The following MCPH1 variants were observed in gnomAD, a reference collection of about 807,000 sequenced individuals.
The protein encoded by MCPH1 is microcephalin.
MCPH1 carries 104 observed loss-of-function variants against 84.5 expected under a neutral mutation model. The observed-to-expected ratio is 1.23, with a 90% confidence interval of 1.05 to 1.45. MCPH1 has a LOEUF of 1.45. Ranked by LOEUF, MCPH1 falls within the 40% of genes most tolerant of loss-of-function variation. The probability of loss-of-function intolerance (pLI) is 0.00; values close to 1 mark genes in which losing one functional copy is unlikely to be tolerated. For missense variants in MCPH1, 1,498 were observed against 1,005.7 expected (o/e 1.49, Z -6.62); for synonymous variants, 514 against 366.8 (o/e 1.40, Z -4.58).
chr8:6,586,459 G>C (rs1432933961), intron 12 of MCPH1, among the ~76,000 whole-genome samples: 2 of 152,170 alleles, frequency 1.3e-5, no homozygotes, highest in Admixed American at 1.3e-4. Context: ...GTGGTCAAAG[G>C]TGCTTGCTGA....
At chr8:6,416,988 A>G (rs537134280) in intron 3 of MCPH1, among the ~76,000 whole-genome samples, 2 of 152,040 alleles carry the variant, frequency 1.3e-5, no homozygotes, top group Non-Finnish European at 2.9e-5. Context: ...GAGCGGGGAA[A>G]AAAAAAAAAG....
intron 10 of MCPH1, among the ~76,000 whole-genome samples, chr8:6,478,096 A>G (rs913911340): frequency 6.6e-6 from 1 of 152,244 alleles, no homozygotes; most frequent in Non-Finnish European, 1.5e-5. Context: ...TCCAACAAAA[A>G]TACAGTGCTA....
chr8:6,488,219 C>G (rs1215325816), intron 11 of MCPH1, among the ~76,000 whole-genome samples: 1 of 152,224 alleles, frequency 6.6e-6, no homozygotes, highest in Non-Finnish European at 1.5e-5. Flanking sequence ...CCTCCATCCC[C>G]CTGTCTGCTG....
chr8:6,463,634 C>T (rs1693014556), intron 9 of MCPH1, among the ~76,000 whole-genome samples: 2 of 152,130 alleles, frequency 1.3e-5, no homozygotes, highest in African/African-American at 4.8e-5. Context: ...AGCCCAGATG[C>T]AGTGTGGCCA....
intron 7 of MCPH1, 135 bp from the exon 8 acceptor site, chr8:6,444,255 GAGA>G: frequency 1.0e-6 from 1 of 980,192 alleles, no homozygotes; most frequent in Non-Finnish European, 1.5e-6. Context: ...AAGTGGAAAT[GAGA>G]AGAACTCAAG....
chr8:6,571,485 C>G (rs902124845), intron 12 of MCPH1, among the ~76,000 whole-genome samples: 1 of 152,116 alleles, frequency 6.6e-6, no homozygotes, highest in African/African-American at 2.4e-5. Context: ...TTTGTCATAA[C>G]CATCCTAATA....
chr8:6,632,749 C>A (rs886425254), intron 13 of MCPH1, among the ~76,000 whole-genome samples: 1 of 151,960 alleles, frequency 6.6e-6, no homozygotes, highest in Non-Finnish European at 1.5e-5. Context: ...AAAGAGGTTG[C>A]AGTGAGCCAA....
In MCPH1 at chr8:6,532,574, T is replaced by TAAAA. The variant is rs10662997; in HGVS notation, c.2214+32660_2214+32663dup. 5.0e-3 allele frequency: 2,970 copies of TAAAA among 588,908 alleles called. 5 individuals carry two copies. The highest frequency in any genetic ancestry group is 5.9e-3 in the Admixed American group (129 of 22,022). The allele number at this position is 588,908 out of a possible 1,614,324, so 36.5% of individuals were successfully genotyped here. ...ATGTTTGTCGTCTCCTCCCTATCTT[T>TAAAA]AAAAAAAAAAAAAAAAAATCTATCA... On this transcript the variant is annotated intron_variant, in intron 12 of 13. Transcript: ENST00000344683.
Position 6,406,675 on chromosome 8 carries a change from C to A in MCPH1, c.8C>A (p.Ala3Asp). Residue 3 changes from alanine to aspartate, a missense_variant, in exon 1 of 14, where the codon GCC becomes GAC. Coordinates refer to ENST00000344683, the MANE Select transcript of MCPH1 (RefSeq NM_024596.5). MA[A>D]PILKDVVAYV... ...CGGATCCCGCCGTCTGTCATGGCGG[C>A]CCCCATCCTGAAAGGTGAGGTACTT... 6.2e-7 allele frequency: 1 copy of A among 1,611,616 alleles called. No individual in the cohort carries two copies. Among genetic ancestry groups the A allele is most frequent in the Non-Finnish European group, 8.5e-7 (1 of 1,179,404 alleles).
At chr8:6,480,184 C>G (rs1809015134) in intron 10 of MCPH1, among the ~76,000 whole-genome samples, 2 of 150,204 alleles carry the variant, frequency 1.3e-5, no homozygotes, top group African/African-American at 4.9e-5. Context: ...AGTGCAGTGA[C>G]ACGATCGCGG....
At chr8:6,475,440 G>A (rs890151661) in intron 9 of MCPH1, among the ~76,000 whole-genome samples, 2 of 152,148 alleles carry the variant, frequency 1.3e-5, no homozygotes, top group Non-Finnish European at 2.9e-5. Flanking sequence ...CCTGACCATC[G>A]CTCTGGTGCT....
At chr8:6,642,906 T>TATA in intron 13 of MCPH1, 88 bp from the exon 14 acceptor site, 1 of 1,233,526 alleles carries the variant, frequency 8.1e-7, no homozygotes. Flanking sequence ...TGTTTTTAAA[T>TATA]ATAGTTTCAT....
chr8:6,478,907 AG>A (rs1468497934), intron 10 of MCPH1, among the ~76,000 whole-genome samples: 3 of 152,238 alleles, frequency 2.0e-5, no homozygotes, highest in African/African-American at 4.8e-5. Flanking sequence ...GATATAATTC[AG>A]CCCTTTCATT....
intron 7 of MCPH1, among the ~76,000 whole-genome samples, chr8:6,442,368 T>C (rs1803646875): frequency 6.6e-6 from 1 of 152,048 alleles, no homozygotes; most frequent in Non-Finnish European, 1.5e-5. Context: ...TTCCTAGGCA[T>C]TTGCTTTCTT....
intron 12 of MCPH1, among the ~76,000 whole-genome samples, chr8:6,557,904 C>A (rs747992779): frequency 2.6e-5 from 4 of 152,082 alleles, no homozygotes; most frequent in African/African-American, 7.2e-5. Flanking sequence ...CATTTTGTGG[C>A]CAGATATGGA....
chr8:6,567,261 G>A (rs1177262476), intron 12 of MCPH1, among the ~76,000 whole-genome samples: 1 of 152,014 alleles, frequency 6.6e-6, no homozygotes, highest in Non-Finnish European at 1.5e-5. Context: ...GCAGTGCGGT[G>A]ACCGTGTGTG....
intron 12 of MCPH1, among the ~76,000 whole-genome samples, chr8:6,595,135 G>T: frequency 6.6e-6 from 1 of 152,134 alleles, no homozygotes; most frequent in East Asian, 1.9e-4. Flanking sequence ...AAACAGAGAT[G>T]ATTGATTGAT....
At chr8:6,527,565 C>A in intron 12 of MCPH1, 1 of 1,613,716 alleles carries the variant, frequency 6.2e-7, no homozygotes. Context: ...CTGTTCTTAT[C>A]TTGCAATTTG....
At chr8:6,550,463 C>T (rs1221245724) in intron 12 of MCPH1, among the ~76,000 whole-genome samples, 1 of 152,242 alleles carries the variant, frequency 6.6e-6, no homozygotes. Flanking sequence ...CCAGCGCGTC[C>T]TCACCTCCCC....
Sources: allele counts gnomAD v4.1 joint callset (sites outside exome capture counted in the v4.1 genomes callset), GRCh38; gene constraint gnomAD v4.1.1; transcripts MANE v1.5; gene names NCBI Gene and HGNC (gene_info 2026-07-23, HGNC 2026-07-21).